PTCH1: variants seen among roughly 807,000 people sequenced by gnomAD.
The protein encoded by PTCH1 is protein patched homolog 1.
Under a neutral mutation model 144.6 loss-of-function variants are expected in PTCH1, and 14 were observed. The ratio of observed to expected loss-of-function variants is 0.10; its 90% CI spans 0.06 to 0.15. PTCH1 has a LOEUF of 0.15. Among genes scored for constraint, PTCH1 ranks in the 10% least tolerant of loss-of-function variants. The pLI, the probability that PTCH1 is intolerant of heterozygous loss-of-function variation, is 1.00. For missense variants in PTCH1, 1,623 were observed against 1,948.3 expected (o/e 0.83, Z 3.14); for synonymous variants, 833 against 793.6 (o/e 1.05, Z -0.83).
At chr9:95,485,944 A>G (rs1441680545) in intron 2 of PTCH1, 70 bp from the exon 3 acceptor site, 1 of 1,534,948 alleles carries the variant, frequency 6.5e-7, no homozygotes, top group African/African-American at 1.4e-5. Context: ...CTGTTATCTG[A>G]CTACCTGCCA....
In PTCH1 at chr9:95,449,530, T is replaced by C; in HGVS notation, c.3550-207A>G. 2.9e-6 allele frequency: 2 copies of C among 700,674 alleles called. No homozygotes were observed. The highest frequency in any genetic ancestry group is 2.7e-5 in the East Asian group (1 of 37,050). 43.4% of individuals were successfully genotyped at this position (700,674 alleles called of 1,614,324 possible). A position where few individuals can be genotyped will look rare whatever the true frequency, so the allele number is the denominator to read the frequency against. On this transcript the variant is annotated intron_variant, in intron 21 of 23. Transcript: ENST00000331920. This position sits in a 1 kb window ranked among gnomAD's most constrained non-coding sequence, Gnocchi z 5.3. ...AGAAGAACTGTCCTCTGCTCCACAC[T>C]GGAAAGGCAGGATGTGTACTTTTTA...
intron 20 of PTCH1, chr9:95,450,578 T>G (rs1266242142): frequency 6.5e-6 from 1 of 155,008 alleles, no homozygotes; most frequent in Non-Finnish European, 1.4e-5. Flanking sequence ...TGCAACCTTT[T>G]TAGAACACAG....
chr9:95,479,641 C>G (rs562201314), intron 7 of PTCH1, among the ~76,000 whole-genome samples: 1 of 152,202 alleles, frequency 6.6e-6, no homozygotes, highest in Non-Finnish European at 1.5e-5. Context: ...GCAGCTCGCA[C>G]CACCAACTCT....
intron 5 of PTCH1, 66 bp downstream of exon 5, chr9:95,481,883 A>G: frequency 7.4e-7 from 1 of 1,354,962 alleles, no homozygotes; most frequent in Non-Finnish European, 1.1e-6. Context: ...AACAATGATA[A>G]GCAACATTAG....
chr9:95,458,108 G>A lies in PTCH1; in HGVS notation c.3073C>T (p.Arg1025Cys), dbSNP rs1839109856. The A allele has an allele frequency of 6.2e-7, 1 of 1,614,236 alleles. No individual in the cohort carries two copies. The highest frequency in any genetic ancestry group is 1.1e-5 in the South Asian group (1 of 91,086). ...FLFWEQYIGL[R>C]HWLLLFISVV... ...CTGATGAACAGCAGCAGCCAGTGGC[G>A]GAGGCCGATGTACTGCTCCCAGAAG... Residue 1025 changes from arginine to cysteine, a missense_variant, in exon 18 of 24, where the codon CGC (arginine) becomes TGC (cysteine). This residue lies in a region of PTCH1 where 504 missense variants were observed against 679.3 expected (regional missense o/e 0.74). Transcript: ENST00000331920. This position sits in a 1 kb window ranked among gnomAD's most constrained non-coding sequence, Gnocchi z 4.7.
chr9:95,508,223 G>C lies in PTCH1; in HGVS notation c.139C>G (p.Arg47Gly), dbSNP rs138729094. Residue 47 changes from arginine to glycine, a missense_variant, in exon 1 of 24, where the codon CGG becomes GGG. Physicochemically the swap from Arg to Gly is moderately radical, Grantham distance 125 (BLOSUM62 -2). This residue lies in a region of PTCH1 where 245 missense variants were observed against 240.6 expected (regional missense o/e 1.02). Transcript: ENST00000331920. ...TAGCTGGGCCGGTGCAGATAGTCCC[G>C]GTCCGGCGCGGCAGCACGGCGCAGC... is the stretch of plus-strand genomic sequence containing the variant. The part of the protein sequence containing the change: ...GGLRRAAAPD[R>G]DYLHRPSYCD... The C allele has an allele frequency of 1.2e-6, 2 of 1,611,024 alleles. No homozygotes were observed. Among genetic ancestry groups the C allele is most frequent in the African/African-American group, 1.3e-5 (1 of 74,862 alleles).
At chr9:95,454,836 G>C (rs1385185313) in intron 19 of PTCH1, among the ~76,000 whole-genome samples, 1 of 152,242 alleles carries the variant, frequency 6.6e-6, no homozygotes, top group African/African-American at 2.4e-5. Flanking sequence ...TAGAGGATCA[G>C]AATACTGAAA....
chr9:95,516,693 C>T lies in PTCH1; in HGVS notation c.-222G>A, dbSNP rs762191823. On this transcript the variant is annotated 5_prime_UTR_variant, in exon 1 of 23. Coordinates refer to the PTCH1 transcript ENST00000430669. ...TCCTCCGTTTTCTTCTTCTTCTTCT[C>T]CTCCTCCTCCGTCTTTACAAAAGGA... 4.3e-5 allele frequency: 70 copies of T among 1,610,672 alleles called. No individual in the cohort carries two copies. Among genetic ancestry groups the T allele is most frequent in the Non-Finnish European group, 5.6e-5 (66 of 1,178,926 alleles).
chr9:95,485,124 T>C (rs1477062934), intron 3 of PTCH1, among the ~76,000 whole-genome samples: 3 of 151,976 alleles, frequency 2.0e-5, no homozygotes. Flanking sequence ...GAGAATCGCT[T>C]AAACCCGGGA....
chr9:95,516,550 T>C, exon 1 of PTCH1: 2 of 1,544,352 alleles, frequency 1.3e-6, no homozygotes, highest in South Asian at 2.4e-5. Context: ...CAATTCCTTT[T>C]TTTTCCCTGG....
chr9:95,490,556 C>A (rs968469622), intron 2 of PTCH1, among the ~76,000 whole-genome samples: 23 of 141,162 alleles, frequency 1.6e-4, no homozygotes, highest in Non-Finnish European at 3.1e-4. Context: ...CACACACACA[C>A]AAAAGAAAGA....
At chr9:95,481,065 G>A (rs1309444699) in intron 5 of PTCH1, among the ~76,000 whole-genome samples, 1 of 152,114 alleles carries the variant, frequency 6.6e-6, no homozygotes, top group Non-Finnish European at 1.5e-5. Context: ...CAATGGAATG[G>A]GCAAGCCCCC....
In PTCH1 at chr9:95,477,144, C is replaced by T. The variant is rs370648977; in HGVS notation, c.1504-287G>A. 4.3e-4 allele frequency among the ~76,000 whole-genome samples: 66 copies of T among 152,330 alleles called. 1 individual carries two copies. The East Asian group carries it at 0.012, about 28-fold the overall frequency. Reference sequence around the variant, plus strand: ...GATTGGCAGAGTGTGGCCCATGGACCAGCATCACTGGGAATTGCCCTGAAG... The same window carrying T: ...GATTGGCAGAGTGTGGCCCATGGACTAGCATCACTGGGAATTGCCCTGAAG... On this transcript the variant is annotated intron_variant, in intron 10 of 23. Coordinates refer to ENST00000331920, the MANE Select transcript of PTCH1 (RefSeq NM_000264.5).
chr9:95,485,980 G>T lies in PTCH1; in HGVS notation c.395-106C>A. On this transcript the variant is annotated intron_variant, in intron 2 of 23. Coordinates refer to ENST00000331920, the MANE Select transcript of PTCH1 (RefSeq NM_000264.5). ...TAGGATACACAATAGATGAACTCTAGTCATGAGACTGGCTGATGTGTGAGC... is the reference window on the plus strand; with the variant it reads ...TAGGATACACAATAGATGAACTCTATTCATGAGACTGGCTGATGTGTGAGC... The T allele has an allele frequency of 2.4e-6, 3 of 1,237,404 alleles. No homozygotes were observed. The South Asian group carries it at 3.7e-5, about 15-fold the overall frequency. 76.7% of individuals were successfully genotyped at this position (1,237,404 alleles called of 1,614,324 possible).
At chr9:95,510,748 A>AGAAAG, upstream of PTCH1, among the ~76,000 whole-genome samples, 1 of 149,458 alleles carries the variant, frequency 6.7e-6, no homozygotes, top group African/African-American at 2.5e-5. Flanking sequence ...AAAAGAAGAA[A>AGAAAG]GAAAGGAAAG....
At position 95,456,256 on chromosome 9, in the gene PTCH1, G is replaced by A. The variant is rs1319930563; in HGVS notation, c.3306+20C>T. On this transcript the variant is annotated intron_variant, in intron 19 of 23. Transcript: ENST00000331920. ...TGGGTTGTTTTTTCACAAAGTTTTT[G>A]CTTCAAATGTCTCCCATACCAAAGC... 7 of 1,612,592 alleles carry A rather than the reference G, an allele frequency of 4.3e-6. No individual in the cohort carries two copies. Among genetic ancestry groups the A allele is most frequent in the Non-Finnish European group, 5.9e-6 (7 of 1,179,948 alleles).
At chr9:95,480,674 C>T in intron 5 of PTCH1, 86 bp from the exon 6 acceptor site, 1 of 1,378,998 alleles carries the variant, frequency 7.3e-7, no homozygotes, top group South Asian at 1.2e-5. Context: ...CTGCATCCAC[C>T]TTGTAGGAGG....
upstream of PTCH1, among the ~76,000 whole-genome samples, chr9:95,511,360 T>A (rs1336611769): frequency 6.6e-6 from 1 of 151,450 alleles, no homozygotes; most frequent in Non-Finnish European, 1.5e-5. Flanking sequence ...CCCTCCAGCC[T>A]CTCCTCCTCC....
intron 12 of PTCH1, among the ~76,000 whole-genome samples, chr9:95,472,549 TG>T (rs1455479619): frequency 6.6e-6 from 1 of 151,308 alleles, no homozygotes; most frequent in East Asian, 1.9e-4. Context: ...AATGGAGGAG[TG>T]GAATGTAGAG....
Sources: allele counts gnomAD v4.1 joint callset (sites outside exome capture counted in the v4.1 genomes callset), GRCh38; gene constraint gnomAD v4.1.1; regional missense constraint gnomAD v4.1.1; non-coding constraint Gnocchi (gnomAD v3.1); transcripts MANE v1.5; gene names NCBI Gene and HGNC (gene_info 2026-07-23, HGNC 2026-07-21).